PDE4D: variants seen among roughly 807,000 people sequenced by gnomAD.
PDE4D encodes the protein phosphodiesterase 4D.
PDE4D carries 24 observed loss-of-function variants against 87.4 expected under a neutral mutation model. That is an observed-to-expected ratio of 0.27 (90% CI 0.20 to 0.39). The LOEUF (loss-of-function observed/expected upper bound fraction) is 0.39. Ranked by LOEUF, PDE4D falls within the 10% of genes least tolerant of loss-of-function variation. The pLI is 1.00. For synonymous variants in PDE4D, 384 were observed against 383.2 expected, an observed-to-expected ratio of 1.00 and a Z score of -0.02; for missense variants, 714 against 1,041.0, an observed-to-expected ratio of 0.69 and a Z score of 4.32.
At chr5:58,993,865 A>C (rs1193316015) in intron 6 of PDE4D, among the ~76,000 whole-genome samples, 5 of 152,204 alleles carry the variant, frequency 3.3e-5, no homozygotes, top group African/African-American at 1.2e-4. Flanking sequence ...ATTAAAAATT[A>C]AGATGTATTA....
At position 60,342,403 on chromosome 5, in the gene PDE4D, G is replaced by A. The variant is rs185670224; in HGVS notation, c.-90+145539C>T. ...AGCATGATTTTGTGACCGTGGGGGA[G>A]GTTTATAACCTCTGCGTCAGTATCT... On this transcript the variant is annotated intron_variant, in intron 1 of 16. Coordinates refer to the PDE4D transcript ENST00000502484. 1.5e-4 allele frequency among the ~76,000 whole-genome samples: 23 copies of A among 152,262 alleles called. No homozygotes were observed. The East Asian group carries it at 4.4e-3, about 29-fold the overall frequency.
chr5:60,377,008 A>G (rs568237412), intron 1 of PDE4D, among the ~76,000 whole-genome samples: 187 of 152,300 alleles, frequency 1.2e-3, no homozygotes, highest in African/African-American at 4.4e-3. Flanking sequence ...GACTTTCACC[A>G]ATAGTAAGTT....
At chr5:58,983,429 C>T (rs1366308775) in intron 11 of PDE4D, among the ~76,000 whole-genome samples, 1 of 152,182 alleles carries the variant, frequency 6.6e-6, no homozygotes, top group Non-Finnish European at 1.5e-5. Context: ...CGTACATGCC[C>T]AACATATGGC....
At chr5:59,850,068 C>A (rs1418655527) in intron 1 of PDE4D, among the ~76,000 whole-genome samples, 1 of 151,904 alleles carries the variant, frequency 6.6e-6, no homozygotes, top group Non-Finnish European at 1.5e-5. Context: ...TGTTGATTAG[C>A]CAGCAGTTTG....
chr5:59,520,486 G>T (rs950528248), intron 1 of PDE4D, among the ~76,000 whole-genome samples: 18 of 152,104 alleles, frequency 1.2e-4, no homozygotes, highest in African/African-American at 4.1e-4. Flanking sequence ...AGGTATTTGG[G>T]GCAAGAAGAT....
intron 1 of PDE4D, among the ~76,000 whole-genome samples, chr5:60,416,408 T>G (rs1247795979): frequency 6.6e-6 from 1 of 152,210 alleles, no homozygotes; most frequent in Non-Finnish European, 1.5e-5. Flanking sequence ...GGGTCCACAC[T>G]GTCTTTATGA....
chr5:59,617,151 C>T (rs958446900), intron 1 of PDE4D, among the ~76,000 whole-genome samples: 8 of 151,660 alleles, frequency 5.3e-5, no homozygotes, highest in Non-Finnish European at 1.0e-4. Flanking sequence ...GGATTTCAAA[C>T]CTTGCTTTGC....
At chr5:59,582,258 C>T (rs973614757) in intron 1 of PDE4D, among the ~76,000 whole-genome samples, 2 of 152,152 alleles carry the variant, frequency 1.3e-5, no homozygotes, top group African/African-American at 2.4e-5. Flanking sequence ...TCATTTCCTT[C>T]AACGTATACA....
intron 1 of PDE4D, among the ~76,000 whole-genome samples, chr5:59,545,536 G>A (rs1817124140): frequency 6.6e-6 from 1 of 152,060 alleles, no homozygotes; most frequent in African/African-American, 2.4e-5. Context: ...CTAAAAATTG[G>A]ATAAAAGTCA....
In PDE4D at chr5:59,512,214, C is replaced by T. The variant is rs116553701; in HGVS notation, c.456-296246G>A. 7.7e-3 allele frequency among the ~76,000 whole-genome samples: 1,180 copies of T among 152,258 alleles called. 8 individuals are homozygous for T. Among genetic ancestry groups the T allele is most frequent in the African/African-American group, 0.027 (1,107 of 41,564 alleles). ...CATCTTTAGAGATTCTAAAAATATT[C>T]ATAGACTACACCCTTTTGAATGCTG... On this transcript the variant is annotated intron_variant, in intron 1 of 14. Coordinates refer to ENST00000340635, the MANE Select transcript of PDE4D (RefSeq NM_001104631.2).
At chr5:59,507,679 A>AAAAAAAAAAAAAAAAGAAAAG (rs61334148) in intron 1 of PDE4D, among the ~76,000 whole-genome samples, 25 of 118,706 alleles carry the variant, frequency 2.1e-4, no homozygotes, top group African/African-American at 8.1e-4. Flanking sequence ...AAAAAAAAAA[A>AAAAAAAAAAAAAAAAGAAAAG]AAAAGAAAAG....
intron 1 of PDE4D, among the ~76,000 whole-genome samples, chr5:59,489,343 T>C (rs531261797): frequency 2.0e-5 from 3 of 152,136 alleles, no homozygotes; most frequent in Non-Finnish European, 4.4e-5. Context: ...CTGAGGCTTC[T>C]ACTTGCTTGA....
intron 1 of PDE4D, among the ~76,000 whole-genome samples, chr5:59,707,361 C>T (rs892158077): frequency 1.3e-5 from 2 of 152,084 alleles, no homozygotes; most frequent in African/African-American, 4.8e-5. Flanking sequence ...ACAGTCTCTG[C>T]CTTTATGGAG....
intron 3 of PDE4D, among the ~76,000 whole-genome samples, chr5:59,968,076 C>T (rs1405564343): frequency 6.8e-6 from 1 of 146,920 alleles, no homozygotes; most frequent in African/African-American, 2.5e-5. Flanking sequence ...CCTCCACCTC[C>T]TGGGTTCAAG....
At chr5:60,505,641 G>A (rs1460971083) in intron 1 of PDE4D, among the ~76,000 whole-genome samples, 2 of 152,144 alleles carry the variant, frequency 1.3e-5, no homozygotes, top group African/African-American at 2.4e-5. Flanking sequence ...AGGCCACTTC[G>A]AAGCCAGACC....
chr5:58,979,292 A>T (rs1045969345), intron 11 of PDE4D, among the ~76,000 whole-genome samples: 2 of 152,216 alleles, frequency 1.3e-5, no homozygotes, highest in African/African-American at 2.4e-5. Context: ...ACACTTAAAG[A>T]GTCCAGATTG....
At chr5:59,476,740 G>A (rs541334621) in intron 1 of PDE4D, among the ~76,000 whole-genome samples, 4 of 152,128 alleles carry the variant, frequency 2.6e-5, no homozygotes, top group South Asian at 2.1e-4. Context: ...GTGGTCAAAT[G>A]TCCATCTCCT....
At chr5:59,673,851 C>T (rs989362627) in intron 1 of PDE4D, among the ~76,000 whole-genome samples, 1 of 152,150 alleles carries the variant, frequency 6.6e-6, no homozygotes, top group Non-Finnish European at 1.5e-5. Flanking sequence ...TTGTCCCTCT[C>T]TTGGGGTCAC....
At chr5:59,952,296 T>C (rs1188600481) in intron 3 of PDE4D, among the ~76,000 whole-genome samples, 1 of 152,126 alleles carries the variant, frequency 6.6e-6, no homozygotes, top group Admixed American at 6.5e-5. Context: ...CTCAGGTATG[T>C]CTTTATAGCA....
Sources: allele counts gnomAD v4.1 joint callset (sites outside exome capture counted in the v4.1 genomes callset), GRCh38; gene constraint gnomAD v4.1.1; transcripts MANE v1.5; gene names NCBI Gene and HGNC (gene_info 2026-07-23, HGNC 2026-07-21).